Variants in FHIT observed in about 807,000 individuals in gnomAD.
FHIT encodes the protein fragile histidine triad diadenosine triphosphatase, also known as bis(5'-adenosyl)-triphosphatase.
FHIT carries 19 observed loss-of-function variants against 17.9 expected under a neutral mutation model. The ratio of observed to expected loss-of-function variants is 1.06; its 90% CI spans 0.74 to 1.56. FHIT has a LOEUF of 1.56. FHIT is among the 40% of genes most tolerant of loss of function. FHIT has a pLI of 0.00. For missense variants in FHIT, 248 were observed against 189.2 expected, an observed-to-expected ratio of 1.31 and a Z score of -1.82; for synonymous variants, 81 against 69.7, an observed-to-expected ratio of 1.16 and a Z score of -0.81.
At chr3:60,128,950 C>T (rs1416761383) in intron 5 of FHIT, among the ~76,000 whole-genome samples, 1 of 151,828 alleles carries the variant, frequency 6.6e-6, no homozygotes, top group East Asian at 1.9e-4. Flanking sequence ...TTGTTTTTAA[C>T]AACGTAATTC....
chr3:60,493,232 A>G (rs2034141977), intron 5 of FHIT, among the ~76,000 whole-genome samples: 1 of 152,222 alleles, frequency 6.6e-6, no homozygotes, highest in South Asian at 2.1e-4. Context: ...AAAAGTGCCT[A>G]TGACGTGAGT....
chr3:60,889,495 G>C (rs1705397914), intron 3 of FHIT, among the ~76,000 whole-genome samples: 1 of 152,130 alleles, frequency 6.6e-6, no homozygotes, highest in Non-Finnish European at 1.5e-5. Flanking sequence ...ATTTTTAATA[G>C]CTACAATCTA....
At chr3:59,888,984 C>T (rs1703740660) in intron 8 of FHIT, among the ~76,000 whole-genome samples, 1 of 152,320 alleles carries the variant, frequency 6.6e-6, no homozygotes, top group African/African-American at 2.4e-5. Flanking sequence ...AAGAAACCTA[C>T]TCCCATGATA....
At chr3:60,668,624 C>G (rs1305352291) in intron 4 of FHIT, among the ~76,000 whole-genome samples, 1 of 138,426 alleles carries the variant, frequency 7.2e-6, no homozygotes, top group Non-Finnish European at 1.5e-5. Context: ...TGCAGTGGCA[C>G]GATCGCTTCT....
intron 7 of FHIT, among the ~76,000 whole-genome samples, chr3:59,939,233 T>C (rs566300069): frequency 3.3e-5 from 5 of 152,260 alleles, no homozygotes; most frequent in Admixed American, 1.3e-4. Context: ...AGGCCCTTGA[T>C]TTATGCTGGC....
chr3:60,405,175 C>A (rs1170213001), intron 5 of FHIT, among the ~76,000 whole-genome samples: 3 of 152,190 alleles, frequency 2.0e-5, no homozygotes, highest in Non-Finnish European at 4.4e-5. Flanking sequence ...AATCCTCGGA[C>A]TGGACTGAGA....
intron 3 of FHIT, among the ~76,000 whole-genome samples, chr3:60,894,085 A>G (rs1192699565): frequency 2.0e-5 from 3 of 152,146 alleles, no homozygotes; most frequent in Non-Finnish European, 4.4e-5. Context: ...TACATCAAAC[A>G]TTTAGCATGC....
At chr3:60,434,835 GC>G (rs750885576) in intron 5 of FHIT, among the ~76,000 whole-genome samples, 25 of 151,898 alleles carry the variant, frequency 1.6e-4, no homozygotes, top group Middle Eastern at 3.4e-3. Context: ...ACCCATTGCT[GC>G]CCACCCACCA....
intron 4 of FHIT, among the ~76,000 whole-genome samples, chr3:60,611,910 T>C (rs2038797012): frequency 6.6e-6 from 1 of 152,148 alleles, no homozygotes; most frequent in South Asian, 2.1e-4. Flanking sequence ...TTTGGCTCTG[T>C]TCTAGGCAGT....
chr3:60,000,765 T>A (rs182942448), intron 7 of FHIT, among the ~76,000 whole-genome samples: 1 of 152,212 alleles, frequency 6.6e-6, no homozygotes, highest in East Asian at 1.9e-4. Context: ...CTGAGTATCA[T>A]CAAAACATCA....
chr3:60,782,233 G>GTATATACATATATATATATATA (rs775581148), intron 4 of FHIT, among the ~76,000 whole-genome samples: 1 of 133,144 alleles, frequency 7.5e-6, no homozygotes, highest in African/African-American at 3.1e-5. Context: ...GTGTGTGTGT[G>GTATATACATATATATATATATA]TGTGTATATA....
At chr3:60,415,611 A>G (rs770971247) in intron 5 of FHIT, among the ~76,000 whole-genome samples, 1 of 152,132 alleles carries the variant, frequency 6.6e-6, no homozygotes, top group Non-Finnish European at 1.5e-5. Flanking sequence ...TGAATCAATA[A>G]GAGAATCCCT....
At chr3:60,817,909 C>T (rs552490122) in intron 4 of FHIT, among the ~76,000 whole-genome samples, 118 of 152,066 alleles carry the variant, frequency 7.8e-4, no homozygotes, top group African/African-American at 2.6e-3. Context: ...TTACACAGGT[C>T]CCTGAGTCTC....
intron 8 of FHIT, among the ~76,000 whole-genome samples, chr3:59,818,566 T>G (rs1301106946): frequency 6.6e-6 from 1 of 152,226 alleles, no homozygotes; most frequent in Non-Finnish European, 1.5e-5. Flanking sequence ...ATAAGTTTTT[T>G]GGGGGACTTG....
chr3:60,270,855 A>G lies in FHIT; in HGVS notation c.104-256703T>C, dbSNP rs542062707. Among the ~76,000 whole-genome samples the G allele has an allele frequency of 6.6e-5, 10 of 152,342 alleles. No individual in the cohort carries two copies. In the East Asian group the frequency reaches 1.2e-3, roughly 18 times the overall value. ...GGATTTTATCCTTCCAGAGAAAGCC[A>G]TATCTGCTGTTAAAACACAGTGCAC... On this transcript the variant is annotated intron_variant, in intron 5 of 9. Transcript: ENST00000492590.
At chr3:60,337,522 T>C (rs888380378) in intron 5 of FHIT, among the ~76,000 whole-genome samples, 1 of 152,220 alleles carries the variant, frequency 6.6e-6, no homozygotes, top group African/African-American at 2.4e-5. Context: ...TTGAAATACA[T>C]GTTATGTTTT....
At chr3:59,949,844 G>A (rs1707024635) in intron 7 of FHIT, among the ~76,000 whole-genome samples, 2 of 152,198 alleles carry the variant, frequency 1.3e-5, no homozygotes, top group Non-Finnish European at 2.9e-5. Flanking sequence ...AGTGAGAATT[G>A]CTGATGGGGA....
At chr3:61,052,042 G>A (rs947423789) in intron 2 of FHIT, among the ~76,000 whole-genome samples, 1 of 152,226 alleles carries the variant, frequency 6.6e-6, no homozygotes, top group African/African-American at 2.4e-5. Flanking sequence ...TCCATGTCCT[G>A]AGAGAGGTTT....
chr3:60,665,637 C>T (rs533455956), intron 4 of FHIT, among the ~76,000 whole-genome samples: 1 of 152,046 alleles, frequency 6.6e-6, no homozygotes, highest in Admixed American at 6.5e-5. Context: ...TGTTTTTCCA[C>T]CCTTTTACTT....
Sources: allele counts gnomAD v4.1 joint callset (sites outside exome capture counted in the v4.1 genomes callset), GRCh38; gene constraint gnomAD v4.1.1; transcripts MANE v1.5; gene names NCBI Gene and HGNC (gene_info 2026-07-23, HGNC 2026-07-21).